CELF4: variants seen among roughly 807,000 people sequenced by gnomAD.
CELF4 encodes the protein CUG-BP- and ETR-3-like factor 4.
A neutral mutation model predicts 59.9 loss-of-function variants in CELF4; 18 were observed. The observed-to-expected ratio is 0.30, with a 90% confidence interval of 0.21 to 0.45. CELF4 has a LOEUF of 0.45. Ranked by LOEUF, CELF4 falls within the 20% of genes least tolerant of loss-of-function variation. The probability of loss-of-function intolerance (pLI) is 1.00; values close to 1 mark genes in which losing one functional copy is unlikely to be tolerated. For synonymous variants in CELF4, 261 were observed against 267.1 expected (o/e 0.98, Z 0.22); for missense variants, 456 against 689.0 (o/e 0.66, Z 3.79).
At chr18:37,486,121 A>C (rs2099880892) in intron 1 of CELF4, 1 of 152,200 alleles carries the variant, frequency 6.6e-6, no homozygotes, top group African/African-American at 2.4e-5. Flanking sequence ...ACCCCAAGCC[A>C]GGCCCTCCTA....
intron 3 of CELF4, among the ~76,000 whole-genome samples, chr18:37,307,154 C>T (rs961063945): frequency 5.9e-5 from 9 of 152,104 alleles, no homozygotes; most frequent in Admixed American, 1.3e-4. Flanking sequence ...TGGTTGTCCC[C>T]CAGGGTGCTC....
At chr18:37,411,041 C>T (rs2099447786) in intron 2 of CELF4, among the ~76,000 whole-genome samples, 1 of 152,150 alleles carries the variant, frequency 6.6e-6, no homozygotes, top group Non-Finnish European at 1.5e-5. Context: ...ACTGTAGCCT[C>T]AAACTCCTGG....
intron 2 of CELF4, among the ~76,000 whole-genome samples, chr18:37,348,312 C>A (rs1002114291): frequency 6.6e-6 from 1 of 152,178 alleles, no homozygotes; most frequent in Admixed American, 6.5e-5. Flanking sequence ...CCTGAAAAGC[C>A]TCCTGGGCCA....
chr18:37,463,120 G>A (rs1442406490), intron 2 of CELF4, among the ~76,000 whole-genome samples: 1 of 152,196 alleles, frequency 6.6e-6, no homozygotes, highest in African/African-American at 2.4e-5. Flanking sequence ...GACAGGGTCT[G>A]ATGTGATTTG....
intron 2 of CELF4, among the ~76,000 whole-genome samples, chr18:37,376,410 AG>A (rs2098969929): frequency 6.6e-6 from 1 of 152,312 alleles, no homozygotes; most frequent in East Asian, 1.9e-4. Context: ...CAGCCCAGCC[AG>A]GCCACTTCTC....
chr18:37,509,022 C>G (rs1268586519), intron 1 of CELF4, among the ~76,000 whole-genome samples: 1 of 152,210 alleles, frequency 6.6e-6, no homozygotes, highest in Non-Finnish European at 1.5e-5. Flanking sequence ...CAGCTCAAAG[C>G]CCCATCTCGA....
At chr18:37,492,055 T>C (rs12607511) in intron 1 of CELF4, among the ~76,000 whole-genome samples, 27,244 of 152,116 alleles carry the variant, frequency 0.18, 3,151 homozygotes, top group East Asian at 0.39. Context: ...CCCAGCTGGG[T>C]CTTGCCTTGC....
At chr18:37,558,186 A>T (rs2099985385) in intron 1 of CELF4, among the ~76,000 whole-genome samples, 1 of 151,556 alleles carries the variant, frequency 6.6e-6, no homozygotes, top group South Asian at 2.1e-4. Flanking sequence ...TCTACTTTTG[A>T]GGACTCAAAA....
chr18:37,321,591 C>T (rs1265804588), intron 3 of CELF4, among the ~76,000 whole-genome samples: 5 of 152,192 alleles, frequency 3.3e-5, no homozygotes, highest in Non-Finnish European at 7.3e-5. Context: ...TAAACCGCAC[C>T]GTCTGGAAGA....
chr18:37,264,905 G>A, intron 9 of CELF4, 148 bp from the exon 10 acceptor site: 1 of 650,144 alleles, frequency 1.5e-6, no homozygotes, highest in South Asian at 1.8e-5. Context: ...CCAGCTTTCA[G>A]TTCCCAGACT....
chr18:37,512,163 C>T (rs921867696), intron 1 of CELF4, among the ~76,000 whole-genome samples: 1 of 152,204 alleles, frequency 6.6e-6, no homozygotes, highest in Non-Finnish European at 1.5e-5. Flanking sequence ...TGTTTCCCTC[C>T]TCCTGTGGCC....
intron 3 of CELF4, among the ~76,000 whole-genome samples, chr18:37,298,440 C>T (rs1227939715): frequency 6.6e-6 from 1 of 152,176 alleles, no homozygotes; most frequent in Non-Finnish European, 1.5e-5. Flanking sequence ...CCAGTTTTGG[C>T]TGGGTGCGGT....
chr18:37,352,542 A>G (rs1449293965), intron 2 of CELF4, among the ~76,000 whole-genome samples: 1 of 152,002 alleles, frequency 6.6e-6, no homozygotes, highest in Non-Finnish European at 1.5e-5. Context: ...GCAGTGAGCT[A>G]TGATTGCACC....
At chr18:37,556,821 G>C (rs2099984947) in intron 1 of CELF4, among the ~76,000 whole-genome samples, 1 of 152,184 alleles carries the variant, frequency 6.6e-6, no homozygotes, top group Non-Finnish European at 1.5e-5. Flanking sequence ...CATTAAATTA[G>C]AATAATGAAC....
At chr18:37,336,018 C>T (rs2097760770) in intron 2 of CELF4, among the ~76,000 whole-genome samples, 1 of 152,214 alleles carries the variant, frequency 6.6e-6, no homozygotes, top group Non-Finnish European at 1.5e-5. Flanking sequence ...TACTCTCAGT[C>T]TTGATGGTCC....
intron 3 of CELF4, among the ~76,000 whole-genome samples, chr18:37,291,153 C>A (rs1401903030): frequency 6.6e-6 from 1 of 152,170 alleles, no homozygotes; most frequent in Non-Finnish European, 1.5e-5. Flanking sequence ...AGGTGATCCG[C>A]CTGCCTCGGC....
chr18:37,356,526 G>C (rs1028987835), intron 2 of CELF4, among the ~76,000 whole-genome samples: 1 of 152,102 alleles, frequency 6.6e-6, no homozygotes, highest in African/African-American at 2.4e-5. Context: ...GGCCAGAGGT[G>C]CTGGGGAGGT....
chr18:37,479,153 ACTCTGCC>A (rs758082258), intron 2 of CELF4, among the ~76,000 whole-genome samples: 1 of 151,962 alleles, frequency 6.6e-6, no homozygotes, highest in African/African-American at 2.4e-5. Context: ...CCGGAGGTGG[ACTCTGCC>A]CTCTGCTCCT....
chr18:37,513,404 A>G (rs1400215334), intron 1 of CELF4, among the ~76,000 whole-genome samples: 1 of 152,166 alleles, frequency 6.6e-6, no homozygotes, highest in Admixed American at 6.5e-5. Context: ...CCTCATTCTT[A>G]CAGGCTCCTC....
Sources: allele counts gnomAD v4.1 joint callset (sites outside exome capture counted in the v4.1 genomes callset), GRCh38; gene constraint gnomAD v4.1.1; transcripts MANE v1.5; gene names NCBI Gene and HGNC (gene_info 2026-07-23, HGNC 2026-07-21).